Variants in GABRB1 observed in about 807,000 individuals in gnomAD.
GABRB1 encodes the protein gamma-aminobutyric acid receptor subunit beta-1.
A neutral mutation model predicts 51.6 loss-of-function variants in GABRB1; 17 were observed. The ratio of observed to expected loss-of-function variants is 0.33; its 90% confidence interval spans 0.23 to 0.49. GABRB1 has a LOEUF of 0.49. GABRB1 is among the 20% of genes least tolerant of loss of function. The pLI is 0.99. For missense variants in GABRB1, 410 were observed against 600.6 expected, an observed-to-expected ratio of 0.68 and a Z score of 3.32; for synonymous variants, 247 against 218.9, an observed-to-expected ratio of 1.13 and a Z score of -1.14.
chr4:47,032,082 A>G, intron 2 of GABRB1, 77 bp downstream of exon 2: 1 of 951,408 alleles, frequency 1.1e-6, no homozygotes. Flanking sequence ...TCAAAAAAAA[A>G]AAAAGAAAAG....
chr4:47,180,925 A>G (rs1423952309), intron 4 of GABRB1, among the ~76,000 whole-genome samples: 1 of 151,904 alleles, frequency 6.6e-6, no homozygotes, highest in Non-Finnish European at 1.5e-5. Context: ...CATTCTTTCT[A>G]TTGTATTTTA....
intron 4 of GABRB1, among the ~76,000 whole-genome samples, chr4:47,217,872 C>A: frequency 6.6e-6 from 1 of 151,590 alleles, no homozygotes; most frequent in East Asian, 1.9e-4. Context: ...TTTTGAAATG[C>A]ACAACAAATT....
intron 3 of GABRB1, among the ~76,000 whole-genome samples, chr4:47,074,119 A>C (rs1039716024): frequency 6.6e-6 from 1 of 152,198 alleles, no homozygotes; most frequent in Non-Finnish European, 1.5e-5. Context: ...AAATATTTTA[A>C]ATGGTATCTT....
chr4:47,028,104 A>G (rs529760263), upstream of GABRB1, among the ~76,000 whole-genome samples: 122 of 151,906 alleles, frequency 8.0e-4, no homozygotes, highest in African/African-American at 2.8e-3. Flanking sequence ...AATTGTATTC[A>G]TTTGATTACT....
intron 5 of GABRB1, among the ~76,000 whole-genome samples, chr4:47,352,283 C>T (rs1490562641): frequency 6.6e-6 from 1 of 152,062 alleles, no homozygotes; most frequent in Admixed American, 6.6e-5. Context: ...AATAGCTTAC[C>T]AACTAAAAAG....
At chr4:47,100,470 A>C (rs2109605514) in intron 3 of GABRB1, among the ~76,000 whole-genome samples, 1 of 152,128 alleles carries the variant, frequency 6.6e-6, no homozygotes, top group South Asian at 2.1e-4. Flanking sequence ...TGTTTTGATT[A>C]CTGTATATAC....
At chr4:47,365,220 G>A (rs1299814937) in intron 5 of GABRB1, among the ~76,000 whole-genome samples, 1 of 152,182 alleles carries the variant, frequency 6.6e-6, no homozygotes, top group Non-Finnish European at 1.5e-5. Flanking sequence ...CAGCTTGCAT[G>A]ACTGCTACAA....
intron 3 of GABRB1, among the ~76,000 whole-genome samples, chr4:47,129,556 G>T (rs1218761773): frequency 1.3e-5 from 2 of 152,134 alleles, no homozygotes; most frequent in African/African-American, 4.8e-5. Flanking sequence ...TGCCTTCAAA[G>T]CACTTACAGT....
chr4:47,020,702 T>A (rs1724904547), intron 1 of GABRB1, among the ~76,000 whole-genome samples: 1 of 152,142 alleles, frequency 6.6e-6, no homozygotes, highest in Admixed American at 6.6e-5. Flanking sequence ...CTACTACCAC[T>A]ATAATTTTCC....
intron 4 of GABRB1, among the ~76,000 whole-genome samples, chr4:47,284,254 C>G (rs1290424696): frequency 6.6e-6 from 1 of 152,070 alleles, no homozygotes; most frequent in Non-Finnish European, 1.5e-5. Flanking sequence ...TGAACCCTCA[C>G]CAGCAATGCT....
intron 3 of GABRB1, among the ~76,000 whole-genome samples, chr4:47,033,506 G>GA (rs991981254): frequency 3.9e-5 from 6 of 152,100 alleles, no homozygotes; most frequent in Non-Finnish European, 8.8e-5. Flanking sequence ...TTCCACTTGT[G>GA]AAAAAATGTT....
intron 3 of GABRB1, among the ~76,000 whole-genome samples, chr4:47,158,371 C>A (rs2109732438): frequency 6.6e-6 from 1 of 152,170 alleles, no homozygotes; most frequent in Middle Eastern, 3.4e-3. Context: ...AGCTAATTAA[C>A]CAATGTGTTA....
intron 3 of GABRB1, among the ~76,000 whole-genome samples, chr4:47,076,903 A>G (rs1204347649): frequency 1.3e-5 from 2 of 152,154 alleles, no homozygotes; most frequent in Non-Finnish European, 2.9e-5. Context: ...ATTGAAGAAA[A>G]CTTTCTTTTC....
At chr4:47,140,810 CA>C (rs1158072586) in intron 3 of GABRB1, among the ~76,000 whole-genome samples, 6 of 146,582 alleles carry the variant, frequency 4.1e-5, no homozygotes, top group East Asian at 2.1e-4. Context: ...GCTAGCTTAT[CA>C]AAAAAAATAG....
chr4:47,176,757 G>T (rs555768426), intron 4 of GABRB1, among the ~76,000 whole-genome samples: 39 of 152,174 alleles, frequency 2.6e-4, no homozygotes, highest in African/African-American at 8.7e-4. Flanking sequence ...TTAACAAAAG[G>T]AGCCAAAAAT....
intron 5 of GABRB1, among the ~76,000 whole-genome samples, chr4:47,374,520 A>G (rs1252951743): frequency 6.6e-6 from 1 of 152,216 alleles, no homozygotes; most frequent in Non-Finnish European, 1.5e-5. Flanking sequence ...ACCTTATCCA[A>G]AGGAGTAGAG....
intron 1 of GABRB1, among the ~76,000 whole-genome samples, chr4:47,019,590 C>T (rs1724850133): frequency 7.2e-6 from 1 of 139,072 alleles, no homozygotes; most frequent in Non-Finnish European, 1.6e-5. Flanking sequence ...TCCTTCCTCC[C>T]TCCCTCCCTT....
At chr4:47,352,446 G>A (rs562746910) in intron 5 of GABRB1, among the ~76,000 whole-genome samples, 20 of 152,120 alleles carry the variant, frequency 1.3e-4, no homozygotes, top group South Asian at 6.2e-4. Context: ...TACCAAAGCC[G>A]GGCAGAGACA....
chr4:47,022,344 T>C (rs555190165), intron 1 of GABRB1, among the ~76,000 whole-genome samples: 1 of 152,136 alleles, frequency 6.6e-6, no homozygotes, highest in Non-Finnish European at 1.5e-5. Context: ...TTTTAGAGTA[T>C]GAAATTAGCA....
Sources: allele counts gnomAD v4.1 joint callset (sites outside exome capture counted in the v4.1 genomes callset), GRCh38; gene constraint gnomAD v4.1.1; transcripts MANE v1.5; gene names NCBI Gene and HGNC (gene_info 2026-07-23, HGNC 2026-07-21).